Variants in ZNF366 observed in about 807,000 individuals in gnomAD.
ZNF366 encodes zinc finger protein 366, also known as dendritic cell-specific transcript protein.
ZNF366 carries 20 observed loss-of-function variants against 47.2 expected under a neutral mutation model. The ratio of observed to expected loss-of-function variants is 0.42; its 90% CI spans 0.30 to 0.62. The LOEUF (loss-of-function observed/expected upper bound fraction) is 0.62, where lower values mean the gene tolerates loss of function less well. ZNF366 is among the 20% of genes least tolerant of loss of function. The pLI is 0.16. For missense variants in ZNF366, 987 were observed against 976.3 expected, an observed-to-expected ratio of 1.01 and a Z score of -0.15; for synonymous variants, 421 against 395.1, an observed-to-expected ratio of 1.07 and a Z score of -0.78.
intron 4 of ZNF366, among the ~76,000 whole-genome samples, chr5:72,446,170 A>G (rs576233976): frequency 1.3e-5 from 2 of 152,324 alleles, no homozygotes; most frequent in South Asian, 4.1e-4. Context: ...TTCTGTCTTC[A>G]GACTTGCTGT....
chr5:72,500,078 C>G (rs1167362083), intron 1 of ZNF366, among the ~76,000 whole-genome samples: 2 of 152,162 alleles, frequency 1.3e-5, no homozygotes, highest in East Asian at 1.9e-4. Flanking sequence ...AAGAGGGAGG[C>G]GTGTGGACTG....
intron 2 of ZNF366, among the ~76,000 whole-genome samples, chr5:72,456,811 T>A (rs946707202): frequency 6.6e-6 from 1 of 152,146 alleles, no homozygotes. Context: ...AACCATAAAC[T>A]AGCCAGACTA....
chr5:72,472,853 C>T (rs918199244), intron 1 of ZNF366, among the ~76,000 whole-genome samples: 5 of 152,088 alleles, frequency 3.3e-5, no homozygotes, highest in African/African-American at 4.8e-5. Flanking sequence ...AAAGTCCAGT[C>T]CTATTTGTAC....
intron 3 of ZNF366, among the ~76,000 whole-genome samples, chr5:72,452,508 C>T (rs975525317): frequency 6.6e-6 from 1 of 152,198 alleles, no homozygotes; most frequent in Non-Finnish European, 1.5e-5. Context: ...AAAACTCTGA[C>T]CCCAAACACT....
chr5:72,448,245 A>G (rs1217803987), intron 3 of ZNF366, among the ~76,000 whole-genome samples: 1 of 56,998 alleles, frequency 1.8e-5, no homozygotes, highest in East Asian at 1.6e-3. Context: ...TAGTGAGAGT[A>G]GTATCTCAGG....
intron 1 of ZNF366, among the ~76,000 whole-genome samples, chr5:72,470,171 T>C (rs1419936438): frequency 6.6e-6 from 1 of 152,246 alleles, no homozygotes; most frequent in Non-Finnish European, 1.5e-5. Flanking sequence ...TTCTTGGGCA[T>C]CATATCCCCT....
At chr5:72,448,830 G>A (rs1743007384) in intron 3 of ZNF366, among the ~76,000 whole-genome samples, 1 of 152,214 alleles carries the variant, frequency 6.6e-6, no homozygotes, top group Admixed American at 6.5e-5. Flanking sequence ...TGATGATTTG[G>A]GGAGTTTAGC....
At chr5:72,463,981 T>G (rs866137493) in intron 1 of ZNF366, among the ~76,000 whole-genome samples, 2 of 152,294 alleles carry the variant, frequency 1.3e-5, no homozygotes, top group East Asian at 1.9e-4. Flanking sequence ...CCTTGAGAGA[T>G]AAATTTCTTT....
At chr5:72,455,991 G>A (rs948995906) in intron 3 of ZNF366, among the ~76,000 whole-genome samples, 1 of 152,198 alleles carries the variant, frequency 6.6e-6, no homozygotes, top group Non-Finnish European at 1.5e-5. Flanking sequence ...TGTGCTAGAA[G>A]CTTCTCTGAC....
chr5:72,444,449 G>C (rs188180500), intron 4 of ZNF366, among the ~76,000 whole-genome samples, 158 bp from the exon 5 acceptor site: 1 of 152,226 alleles, frequency 6.6e-6, no homozygotes, highest in Non-Finnish European at 1.5e-5. Flanking sequence ...GCTTGTAACA[G>C]ACAGTGTCCA....
chr5:72,495,980 C>CTT (rs549458476), intron 1 of ZNF366, among the ~76,000 whole-genome samples: 3 of 146,628 alleles, frequency 2.0e-5, no homozygotes, highest in East Asian at 2.0e-4. Flanking sequence ...GAAAAATACA[C>CTT]TTTTTTTTTT....
chr5:72,475,638 T>C (rs1245764949), intron 1 of ZNF366, among the ~76,000 whole-genome samples: 1 of 152,238 alleles, frequency 6.6e-6, no homozygotes, highest in African/African-American at 2.4e-5. Flanking sequence ...CAGAAAACTG[T>C]ATTCAATAGA....
chr5:72,484,955 CTT>C (rs10590447), intron 1 of ZNF366, among the ~76,000 whole-genome samples: 31,622 of 152,038 alleles, frequency 0.21, 3,448 homozygotes, highest in East Asian at 0.4. Context: ...TTGTTCATGA[CTT>C]TAAAATGTGT....
At chr5:72,464,908 A>G (rs1743400096) in intron 1 of ZNF366, among the ~76,000 whole-genome samples, 1 of 151,980 alleles carries the variant, frequency 6.6e-6, no homozygotes, top group Admixed American at 6.6e-5. Flanking sequence ...AAATTCAAAA[A>G]TTAGCCAGGT....
intron 1 of ZNF366, among the ~76,000 whole-genome samples, chr5:72,492,020 C>G (rs535117985): frequency 9.2e-5 from 14 of 152,266 alleles, no homozygotes; most frequent in Admixed American, 3.3e-4. Context: ...TGCAAAGCAA[C>G]GTGACCTACT....
intron 1 of ZNF366, among the ~76,000 whole-genome samples, chr5:72,466,540 C>T (rs367863942): frequency 6.6e-6 from 1 of 152,178 alleles, no homozygotes; most frequent in Admixed American, 6.5e-5. Context: ...GCAATTCTTG[C>T]TAAACTGTGA....
At chr5:72,481,857 C>A (rs1743795232) in intron 1 of ZNF366, among the ~76,000 whole-genome samples, 1 of 152,166 alleles carries the variant, frequency 6.6e-6, no homozygotes, top group Non-Finnish European at 1.5e-5. Context: ...TAGTTCCCCC[C>A]AAACCCCTGA....
chr5:72,481,809 C>A lies in ZNF366; in HGVS notation c.-14-20299G>T, dbSNP rs80141192. Among the ~76,000 whole-genome samples the A allele has an allele frequency of 5.6e-3, 845 of 152,234 alleles. 4 individuals are homozygous for A. The highest frequency in any genetic ancestry group is 0.019 in the African/African-American group (809 of 41,556). On this transcript the variant is annotated intron_variant, in intron 1 of 4. Coordinates refer to ENST00000318442, the MANE Select transcript of ZNF366 (RefSeq NM_152625.3). Reference sequence around the variant, plus strand: ...TGTGCTAACTTACACTGAGATAACTCCCAATTCTTTCAAAATTTTCATACC... The same window carrying A: ...TGTGCTAACTTACACTGAGATAACTACCAATTCTTTCAAAATTTTCATACC...
chr5:72,447,172 C>A, intron 4 of ZNF366, 71 bp downstream of exon 4: 1 of 1,562,916 alleles, frequency 6.4e-7, no homozygotes. Flanking sequence ...GGTAATGCCC[C>A]ATAAAACGAA....
Sources: gnomAD v4.1 joint callset for allele counts (sites outside exome capture counted in the v4.1 genomes callset) on GRCh38, gnomAD v4.1.1 for gene constraint, MANE v1.5 for transcripts, NCBI Gene and HGNC (gene_info 2026-07-23, HGNC 2026-07-21) for gene names.